Variants in PHF12 observed in about 807,000 individuals in gnomAD.
The protein encoded by PHF12 is PHD factor 1.
PHF12 carries 6 observed loss-of-function variants against 99.8 expected under a neutral mutation model. The observed-to-expected ratio is 0.06, with a 90% CI of 0.03 to 0.12. PHF12 has a LOEUF of 0.12. Ranked by LOEUF, PHF12 falls within the 10% of genes least tolerant of loss-of-function variation. The pLI, the probability that PHF12 is intolerant of heterozygous loss-of-function variation, is 1.00. For synonymous variants in PHF12, 480 were observed against 514.9 expected (o/e 0.93, Z 0.92); for missense variants, 954 against 1,300.1 (o/e 0.73, Z 4.09).
intron 5 of PHF12, among the ~76,000 whole-genome samples, chr17:28,920,552 C>G (rs2040142943): frequency 6.6e-6 from 1 of 152,234 alleles, no homozygotes; most frequent in South Asian, 2.1e-4. Flanking sequence ...TCCAACTCCT[C>G]TTGTTCTAGT....
At chr17:28,927,317 A>G (rs1425904912) in intron 2 of PHF12, among the ~76,000 whole-genome samples, 6 of 152,038 alleles carry the variant, frequency 3.9e-5, no homozygotes, top group African/African-American at 1.4e-4. Context: ...GTATAATAAA[A>G]TAACTGAGAG....
At chr17:28,917,015 T>C (rs550352202) in intron 7 of PHF12, among the ~76,000 whole-genome samples, 4 of 152,244 alleles carry the variant, frequency 2.6e-5, no homozygotes, top group African/African-American at 9.6e-5. Flanking sequence ...ACAGAGCACA[T>C]TTGGGTTTGG....
At chr17:28,919,330 A>C in intron 5 of PHF12, 55 bp from the exon 6 acceptor site, 1 of 1,581,266 alleles carries the variant, frequency 6.3e-7, no homozygotes, top group South Asian at 1.1e-5. Flanking sequence ...AATTCAAACT[A>C]ACTTTGACCT....
chr17:28,920,896 C>T (rs893782638), intron 5 of PHF12, among the ~76,000 whole-genome samples: 6 of 149,234 alleles, frequency 4.0e-5, no homozygotes, highest in African/African-American at 1.2e-4. Context: ...TTTTTTGAGA[C>T]GGAGTCTTGC....
At chr17:28,937,121 GTTTAATTTAAAT>G (rs1413470737) in intron 2 of PHF12, among the ~76,000 whole-genome samples, 5 of 152,158 alleles carry the variant, frequency 3.3e-5, no homozygotes, top group Admixed American at 6.5e-5. Context: ...GCTGGGTAAA[GTTTAATTTAAAT>G]TTTAATTTAA....
chr17:28,910,309 T>C lies in PHF12; in HGVS notation c.2276A>G (p.His759Arg), dbSNP rs776901944. The C allele has an allele frequency of 1.9e-6, 3 of 1,614,194 alleles. No individual in the cohort carries two copies. The highest frequency in any genetic ancestry group is 1.7e-6 in the Non-Finnish European group (2 of 1,180,032). ...LIKFLALQRI[H>R]QLFPSRVQPS... ...TTGGACCCGGGAGGGGAAAAGCTGA[T>C]GTATTCTCTGCAAGGCCAGAAACTT... The change falls in exon 11 of 15, where the codon CAT becomes CGT. Residue 759 changes from histidine to arginine, a missense_variant. This residue lies in a region of PHF12 where 143 missense variants were observed against 191.8 expected (regional missense o/e 0.75). Transcript: ENST00000332830.
chr17:28,910,426 G>A (rs974788354), intron 10 of PHF12, 57 bp from the exon 11 acceptor site: 6 of 1,547,090 alleles, frequency 3.9e-6, no homozygotes, highest in African/African-American at 2.7e-5. Flanking sequence ...GAATGTGGAA[G>A]CAAATCAGGG....
chr17:28,924,233 A>G lies in PHF12; in HGVS notation c.391T>C (p.Ser131Pro), dbSNP rs1489829807. 4 of 1,613,954 alleles carry G rather than the reference A, an allele frequency of 2.5e-6. No individual in the cohort carries two copies. The highest frequency in any genetic ancestry group is 3.4e-6 in the Non-Finnish European group (4 of 1,179,986). ...LVDKSGKRTTSPSSDTDLLDR... is the reference protein window; with the variant it reads ...LVDKSGKRTTPPSSDTDLLDR... ...AACAAGTCAGTGTCACTGCTGGGGG[A>G]TGTAGTCCGTTTGCCAGATTTGTCC... Residue 131 changes from serine to proline, a missense_variant, in exon 4 of 15, where the codon TCC (serine) becomes CCC (proline). Ser to Pro is a moderately conservative substitution (Grantham distance 74, BLOSUM62 -1). Coordinates refer to ENST00000332830, the MANE Select transcript of PHF12 (RefSeq NM_001033561.2).
rs548616722 is a variant in PHF12, at chr17:28,934,704, G to A, written c.249-7641C>T. On this transcript the variant is annotated intron_variant, in intron 2 of 14. Transcript: ENST00000332830. The stretch of plus-strand genomic sequence containing the variant: ...CTGCTCACTGCAACCTCTGCCTCCC[G>A]AGTTCAAGCAATTCTCCTCTGGAGT... Among the ~76,000 whole-genome samples the A allele has an allele frequency of 6.7e-5, 10 of 149,328 alleles. No homozygotes were observed. In the East Asian group the frequency reaches 8.0e-4, roughly 12 times the overall value.
At chr17:28,910,690 G>A in intron 10 of PHF12, 1 of 429,458 alleles carries the variant, frequency 2.3e-6, no homozygotes, top group Admixed American at 4.1e-5. Flanking sequence ...GTCTGATATT[G>A]AGACTTGAAC....
Position 28,924,307 on chromosome 17 carries a change from G to A in PHF12, c.322-5C>T. The A allele has an allele frequency of 6.2e-7, 1 of 1,614,128 alleles. No homozygotes were observed. The highest frequency in any genetic ancestry group is 1.3e-5 in the African/African-American group (1 of 75,024). On this transcript the variant is annotated splice_region_variant and splice_polypyrimidine_tract_variant and intron_variant, in intron 3 of 14. Transcript: ENST00000332830. ...CTCCTTTTTCTGCTCTCGTTTCTGT[G>A]CAAATGAACAGGTGGGCCCATCATG...
rs769114231 is a variant in PHF12 at position 28,913,123 on chromosome 17, G to A, written c.1448C>T (p.Ala483Val). 8.1e-6 allele frequency: 13 copies of A among 1,614,082 alleles called. No individual in the cohort carries two copies. Among genetic ancestry groups the A allele is most frequent in the Non-Finnish European group, 1.0e-5 (12 of 1,180,028 alleles). The change falls in exon 9 of 15, where the codon GCT becomes GTT. Residue 483 changes from alanine to valine, a missense_variant. Coordinates refer to ENST00000332830, the MANE Select transcript of PHF12 (RefSeq NM_001033561.2). ...GTGGGAAGGTGTAGGTGTCTTGTCA[G>A]CTGTTTGCAGGGAGGTGGTGACTGA... Reference protein sequence around the residue: ...DSSVTTSLQTADKTPTPSHYP... With the variant: ...DSSVTTSLQTVDKTPTPSHYP...
chr17:28,916,620 T>C (rs929086819), intron 7 of PHF12, among the ~76,000 whole-genome samples: 3 of 152,234 alleles, frequency 2.0e-5, no homozygotes, highest in Non-Finnish European at 2.9e-5. Context: ...TATGGGTATA[T>C]AGTGTTGGAC....
intron 2 of PHF12, among the ~76,000 whole-genome samples, chr17:28,935,932 A>G (rs918294554): frequency 6.6e-6 from 1 of 152,232 alleles, no homozygotes; most frequent in Non-Finnish European, 1.5e-5. Flanking sequence ...TAATGCCTAT[A>G]CTGACAGATT....
At chr17:28,924,522 A>T (rs1330738469) in intron 3 of PHF12, 1 of 615,566 alleles carries the variant, frequency 1.6e-6, no homozygotes, top group Non-Finnish European at 2.9e-6. Flanking sequence ...ACCAAAAAGC[A>T]TGGTAAGTTA....
At chr17:28,912,114 G>C in intron 9 of PHF12, 1 of 1,069,660 alleles carries the variant, frequency 9.3e-7, no homozygotes, top group African/African-American at 1.7e-5. Flanking sequence ...AGAACCTCAG[G>C]CTGATCATAG....
chr17:28,946,611 C>A (rs1018667544), intron 2 of PHF12, among the ~76,000 whole-genome samples: 1 of 152,172 alleles, frequency 6.6e-6, no homozygotes, highest in African/African-American at 2.4e-5. Context: ...ATACTAGAGA[C>A]TGAAAAAAGA....
chr17:28,905,849 A>AG lies in PHF12; in HGVS notation c.*333dup. 1 of 233,214 alleles carries AG rather than the reference A, an allele frequency of 4.3e-6. No individual in the cohort carries two copies. Among genetic ancestry groups the AG allele is most frequent in the East Asian group, 8.4e-5 (1 of 11,894 alleles). The allele number at this position is 233,214 out of a possible 1,614,324, so 14.4% of individuals were successfully genotyped here. A position where few individuals can be genotyped will look rare whatever the true frequency, so the allele number is the denominator to read the frequency against. On this transcript the variant is annotated 3_prime_UTR_variant, in exon 15 of 15. Coordinates refer to ENST00000332830, the MANE Select transcript of PHF12 (RefSeq NM_001033561.2). ...TATTTTACAATGGTGGGCGAGGGGG[A>AG]GGGAGCAGGAGGTGGGTGGGGAAGG...
At chr17:28,923,475 T>C (rs1039081396) in intron 4 of PHF12, among the ~76,000 whole-genome samples, 1 of 150,114 alleles carries the variant, frequency 6.7e-6, no homozygotes, top group Non-Finnish European at 1.5e-5. Context: ...CTGAACAACA[T>C]GGTAAAATCC....
Sources: gnomAD v4.1 joint callset for allele counts (sites outside exome capture counted in the v4.1 genomes callset) on GRCh38, gnomAD v4.1.1 for gene constraint, gnomAD v4.1.1 regional missense constraint, MANE v1.5 for transcripts, NCBI Gene and HGNC (gene_info 2026-07-23, HGNC 2026-07-21) for gene names.